Variants in BCKDHB observed in about 807,000 individuals in gnomAD.
The protein encoded by BCKDHB is 2-oxoisovalerate dehydrogenase subunit beta, mitochondrial.
In BCKDHB, 41 loss-of-function variants were observed where a neutral mutation model predicts 48.5. The ratio of observed to expected loss-of-function variants is 0.85; its 90% CI spans 0.66 to 1.10. The LOEUF (loss-of-function observed/expected upper bound fraction) is 1.10, where lower values mean the gene tolerates loss of function less well. BCKDHB is among the 50% of genes least tolerant of loss of function. The pLI, the probability that BCKDHB is intolerant of heterozygous loss-of-function variation, is 0.00. For missense variants in BCKDHB, 496 were observed against 494.2 expected, an observed-to-expected ratio of 1.00 and a Z score of -0.03; for synonymous variants, 201 against 174.8, an observed-to-expected ratio of 1.15 and a Z score of -1.18.
chr6:80,387,223 C>T, the BCKDHB span, among the ~76,000 whole-genome samples: 2 of 152,102 alleles, frequency 1.3e-5, no homozygotes, highest in African/African-American at 2.4e-5. Context: ...ATCCTGTGGT[C>T]GTTTCCCCAG....
chr6:80,455,886 A>C, the BCKDHB span, among the ~76,000 whole-genome samples: 1 of 152,206 alleles, frequency 6.6e-6, no homozygotes, highest in African/African-American at 2.4e-5. Flanking sequence ...AGGCATGCTG[A>C]GTACTACCTC....
At chr6:80,320,900 C>T (rs1320535256) in intron 9 of BCKDHB, among the ~76,000 whole-genome samples, 1 of 151,980 alleles carries the variant, frequency 6.6e-6, no homozygotes, top group East Asian at 1.9e-4. Flanking sequence ...TTTATTTTGA[C>T]CACTGAGTAA....
the BCKDHB span, among the ~76,000 whole-genome samples, chr6:80,430,324 T>G: frequency 6.6e-6 from 1 of 152,146 alleles, no homozygotes; most frequent in Admixed American, 6.5e-5. Flanking sequence ...GCCTAAAATT[T>G]TCTTTTTTGT....
chr6:80,210,951 A>G (rs1774905841), intron 8 of BCKDHB, among the ~76,000 whole-genome samples: 1 of 152,194 alleles, frequency 6.6e-6, no homozygotes, highest in Non-Finnish European at 1.5e-5. Context: ...GCCAGGCCGA[A>G]TAGCTGTTGA....
the BCKDHB span, among the ~76,000 whole-genome samples, chr6:80,410,870 C>G: frequency 6.6e-6 from 1 of 152,150 alleles, no homozygotes; most frequent in African/African-American, 2.4e-5. Flanking sequence ...TTTTTAGCTT[C>G]CTTGCAATGG....
At chr6:80,235,011 A>G (rs1005617121) in intron 8 of BCKDHB, among the ~76,000 whole-genome samples, 2 of 152,186 alleles carry the variant, frequency 1.3e-5, no homozygotes, top group African/African-American at 4.8e-5. Flanking sequence ...GAGTCAGCAA[A>G]TAGTAGGGGG....
the BCKDHB span, among the ~76,000 whole-genome samples, chr6:80,419,494 G>T: frequency 6.6e-6 from 1 of 152,128 alleles, no homozygotes; most frequent in African/African-American, 2.4e-5. Flanking sequence ...TTTTCCTATG[G>T]CTAAAGTCTT....
chr6:80,199,940 G>T (rs540147057), intron 6 of BCKDHB, among the ~76,000 whole-genome samples: 12 of 151,038 alleles, frequency 7.9e-5, no homozygotes, highest in African/African-American at 2.9e-4. Context: ...GGCAGTAGTG[G>T]TGTGCACCTG....
chr6:80,176,933 G>A (rs1773183562), intron 6 of BCKDHB, among the ~76,000 whole-genome samples: 1 of 152,042 alleles, frequency 6.6e-6, no homozygotes, highest in Non-Finnish European at 1.5e-5. Flanking sequence ...TATAAGAAAT[G>A]CAAAATGAAG....
downstream of BCKDHB, among the ~76,000 whole-genome samples, chr6:80,347,047 C>G (rs192863465): frequency 2.4e-3 from 369 of 151,934 alleles, no homozygotes; most frequent in African/African-American, 8.1e-3. Flanking sequence ...TTGTATGTGT[C>G]CCTTTAAAAC....
At chr6:80,299,146 G>A (rs1767418969) in intron 9 of BCKDHB, among the ~76,000 whole-genome samples, 1 of 152,098 alleles carries the variant, frequency 6.6e-6, no homozygotes. Context: ...GTTTGCTCAA[G>A]CATCCTTGCC....
At chr6:80,214,340 A>G (rs1775071061) in intron 8 of BCKDHB, among the ~76,000 whole-genome samples, 1 of 152,224 alleles carries the variant, frequency 6.6e-6, no homozygotes, top group Admixed American at 6.5e-5. Context: ...TGTTAGACTG[A>G]ATAGCTTTAA....
intron 8 of BCKDHB, among the ~76,000 whole-genome samples, chr6:80,233,448 ATTC>A (rs1776017430): frequency 6.6e-6 from 1 of 152,166 alleles, no homozygotes; most frequent in Admixed American, 6.5e-5. Flanking sequence ...AAACATTCAC[ATTC>A]TTTTATATGT....
At chr6:80,401,870 G>A in the BCKDHB span, among the ~76,000 whole-genome samples, 1 of 151,636 alleles carries the variant, frequency 6.6e-6, no homozygotes, top group Non-Finnish European at 1.5e-5. Context: ...TTAACATAAT[G>A]TTCTCTAGAT....
the BCKDHB span, among the ~76,000 whole-genome samples, chr6:80,419,891 T>C: frequency 6.6e-6 from 1 of 152,228 alleles, no homozygotes; most frequent in Admixed American, 6.5e-5. Flanking sequence ...TCTTTGAATA[T>C]GCTAATTCTT....
intron 8 of BCKDHB, among the ~76,000 whole-genome samples, chr6:80,210,221 A>G (rs1306809591): frequency 6.8e-6 from 1 of 147,202 alleles, no homozygotes; most frequent in African/African-American, 2.6e-5. Context: ...GTACTCATCA[A>G]CTAGAGAATG....
intron 8 of BCKDHB, among the ~76,000 whole-genome samples, chr6:80,269,303 T>C (rs982261406): frequency 6.6e-6 from 1 of 152,150 alleles, no homozygotes; most frequent in African/African-American, 2.4e-5. Flanking sequence ...TTCTGATTGC[T>C]CCTATTGTGA....
chr6:80,361,697 G>T, the BCKDHB span, among the ~76,000 whole-genome samples: 1 of 152,186 alleles, frequency 6.6e-6, no homozygotes, highest in South Asian at 2.1e-4. Flanking sequence ...GTTGACACTG[G>T]TAGCTAACAA....
rs1347064003 is a variant in BCKDHB, at chr6:80,106,782, G to C, written c.89G>C (p.Gly30Ala). 1 of 1,595,360 alleles carries C rather than the reference G, an allele frequency of 6.3e-7. No homozygotes were observed. Among genetic ancestry groups the C allele is most frequent in the South Asian group, 1.1e-5 (1 of 88,612 alleles). Residue 30 changes from glycine (G) to alanine (A), a missense_variant, in exon 1 of 10, where the codon GGG becomes GCG. By Grantham distance (60) the Gly-to-Ala change is moderately conservative (BLOSUM62 0). Coordinates refer to ENST00000320393, the MANE Select transcript of BCKDHB (RefSeq NM_183050.4). ...EGHWRRLPGAGLARGFLHPAA... is the reference protein window; with the variant it reads ...EGHWRRLPGAALARGFLHPAA... ...CACTGGCGTCGGCTTCCTGGCGCGG[G>C]GCTGGCGCGGGGCTTTTTGCACCCC... is the stretch of plus-strand genomic sequence containing the variant.
Sources: gnomAD v4.1 joint callset for allele counts (sites outside exome capture counted in the v4.1 genomes callset) on GRCh38, gnomAD v4.1.1 for gene constraint, MANE v1.5 for transcripts, NCBI Gene and HGNC (gene_info 2026-07-23, HGNC 2026-07-21) for gene names.